The following SAMSN1 variants were observed in gnomAD, a reference collection of about 807,000 sequenced individuals.
SAMSN1 encodes the protein SAM domain, SH3 domain and nuclear localization signals 1.
SAMSN1 carries 31 observed loss-of-function variants against 42.0 expected under a neutral mutation model. That is an observed-to-expected ratio of 0.74 (90% CI 0.55 to 1.00). The LOEUF is 1.00. SAMSN1 is among the 50% of genes least tolerant of loss of function. SAMSN1 has a pLI of 0.00. For missense variants in SAMSN1, 464 were observed against 439.4 expected, an observed-to-expected ratio of 1.06 and a Z score of -0.50; for synonymous variants, 178 against 151.9, an observed-to-expected ratio of 1.17 and a Z score of -1.26.
chr21:14,592,228 C>G (rs951865461), intron 7 of SAMSN1: 2 of 152,194 alleles, frequency 1.3e-5, no homozygotes, highest in Admixed American at 1.3e-4. Flanking sequence ...CTGGGTACAC[C>G]TCCTAGCTGA....
chr21:14,555,205 A>G (rs1320188253), intron 2 of SAMSN1, among the ~76,000 whole-genome samples: 1 of 152,054 alleles, frequency 6.6e-6, no homozygotes, highest in African/African-American at 2.4e-5. Context: ...CTTGTCTACA[A>G]CTTCTGAGAT....
At chr21:14,583,998 C>CTTT (rs1981841782), upstream of SAMSN1, among the ~76,000 whole-genome samples, 3 of 69,016 alleles carry the variant, frequency 4.3e-5, no homozygotes, top group Non-Finnish European at 1.3e-4. Context: ...GTGGTTTTAC[C>CTTT]ATTTTTTTTT....
At chr21:14,642,950 C>T (rs1410231877) in intron 2 of SAMSN1, 1 of 699,040 alleles carries the variant, frequency 1.4e-6, no homozygotes, top group Non-Finnish European at 2.7e-6. Flanking sequence ...GCAAGAGATT[C>T]TAGAACTATA....
chr21:14,509,504 G>T (rs1419871617), intron 5 of SAMSN1, among the ~76,000 whole-genome samples: 1 of 152,152 alleles, frequency 6.6e-6, no homozygotes, highest in Non-Finnish European at 1.5e-5. Flanking sequence ...ACTTACCCAT[G>T]TAACCAAACA....
chr21:14,586,968 G>A (rs959235898), upstream of SAMSN1, among the ~76,000 whole-genome samples: 1 of 152,178 alleles, frequency 6.6e-6, no homozygotes, highest in Non-Finnish European at 1.5e-5. Context: ...GGAAAGAAAG[G>A]AAGAGTACCA....
rs887327382 is a variant in SAMSN1, at chr21:14,593,993, T to C, written c.465+20A>G. ...TGGGAAATCCACTTAAATAGTTACA[T>C]CTGGGAAGAAATGTCTCACCAGTTC... On this transcript the variant is annotated intron_variant, in intron 7 of 15. Transcript: ENST00000647101. The C allele has an allele frequency of 8.4e-6, 6 of 715,384 alleles. No individual in the cohort carries two copies. The African/African-American group carries it at 1.1e-4, about 13-fold the overall frequency. 44.3% of individuals were successfully genotyped at this position (715,384 alleles called of 1,614,324 possible).
chr21:14,612,799 G>A (rs1600963553), intron 4 of SAMSN1: 1 of 672,812 alleles, frequency 1.5e-6, no homozygotes, highest in Non-Finnish European at 2.8e-6. Flanking sequence ...TTGTTGCTTT[G>A]TGGCAGGAGC....
chr21:14,602,773 G>A (rs531368337), intron 5 of SAMSN1, among the ~76,000 whole-genome samples: 43 of 152,146 alleles, frequency 2.8e-4, no homozygotes, highest in African/African-American at 9.4e-4. Flanking sequence ...CACCTGGTCA[G>A]CAGACCAGGG....
At chr21:14,561,778 T>C (rs1314985148) in intron 2 of SAMSN1, among the ~76,000 whole-genome samples, 1 of 152,138 alleles carries the variant, frequency 6.6e-6, no homozygotes, top group Non-Finnish European at 1.5e-5. Flanking sequence ...AGAGGGAAAC[T>C]TGGACACCCA....
intron 1 of SAMSN1, among the ~76,000 whole-genome samples, chr21:14,644,511 A>G (rs1046598476): frequency 6.6e-6 from 1 of 152,164 alleles, no homozygotes; most frequent in Non-Finnish European, 1.5e-5. Flanking sequence ...CTGAATAGCC[A>G]GCAGTGATAC....
chr21:14,553,159 A>T (rs1980654860), intron 2 of SAMSN1, among the ~76,000 whole-genome samples: 1 of 151,742 alleles, frequency 6.6e-6, no homozygotes, highest in South Asian at 2.1e-4. Context: ...AGGATTTTGT[A>T]CTCTTCTTAC....
chr21:14,606,618 A>T (rs149573426), intron 5 of SAMSN1, among the ~76,000 whole-genome samples: 1 of 152,326 alleles, frequency 6.6e-6, no homozygotes, highest in African/African-American at 2.4e-5. Context: ...TTTAACAATT[A>T]ACCTGAATTA....
intron 7 of SAMSN1, among the ~76,000 whole-genome samples, chr21:14,487,825 C>G (rs568609371): frequency 6.6e-6 from 1 of 151,990 alleles, no homozygotes; most frequent in African/African-American, 2.4e-5. Context: ...ATAACTAGTT[C>G]TAGATATAAG....
intron 4 of SAMSN1, 86 bp downstream of exon 4, chr21:14,512,358 C>T: frequency 1.4e-6 from 2 of 1,412,760 alleles, no homozygotes; most frequent in Non-Finnish European, 2.0e-6. Context: ...TAGCTGGAAC[C>T]TTGTGGCTGA....
chr21:14,553,312 G>A (rs959833097), intron 2 of SAMSN1, among the ~76,000 whole-genome samples: 26 of 152,006 alleles, frequency 1.7e-4, no homozygotes, highest in African/African-American at 6.0e-4. Flanking sequence ...ATTAATAACT[G>A]TCTTTCTTTT....
In SAMSN1 at chr21:14,657,887, C is replaced by T. The variant is rs562795012; in HGVS notation, c.24+861G>A. On this transcript the variant is annotated intron_variant, in intron 1 of 15. Transcript: ENST00000647101. ...AATGCCTCCTGTTTAGGTATTACAA[C>T]GTATGTCAGCACCATCTCTACTGCT... is the stretch of plus-strand genomic sequence containing the variant. 1.3e-4 allele frequency among the ~76,000 whole-genome samples: 19 copies of T among 151,864 alleles called. 1 individual carries two copies. The South Asian group carries it at 3.7e-3, about 30-fold the overall frequency.
At chr21:14,559,202 T>C (rs752403865) in intron 2 of SAMSN1, among the ~76,000 whole-genome samples, 7 of 152,154 alleles carry the variant, frequency 4.6e-5, no homozygotes, top group Non-Finnish European at 1.0e-4. Context: ...GGGAAAAACA[T>C]GGGCTTTTGT....
At chr21:14,654,803 T>C (rs940298867) in intron 1 of SAMSN1, among the ~76,000 whole-genome samples, 12 of 151,528 alleles carry the variant, frequency 7.9e-5, no homozygotes, top group Non-Finnish European at 1.5e-4. Flanking sequence ...CAGGAAGACA[T>C]GAGATTTTTT....
rs138674478 is a variant in SAMSN1, at chr21:14,489,807, A to G, written c.920-3693T>C. ...AAAGCCCATGTAAAAACATTTTAAGATAGTTATCAATGTTGAAAGAAAAGG... is the reference window on the plus strand; with the variant it reads ...AAAGCCCATGTAAAAACATTTTAAGGTAGTTATCAATGTTGAAAGAAAAGG... On this transcript the variant is annotated intron_variant, in intron 7 of 7. Coordinates refer to ENST00000400566, the MANE Select transcript of SAMSN1 (RefSeq NM_022136.5). 5.3e-5 allele frequency among the ~76,000 whole-genome samples: 8 copies of G among 152,294 alleles called. No homozygotes were observed. In the East Asian group the frequency reaches 1.5e-3, roughly 29 times the overall value.
Sources: allele counts gnomAD v4.1 joint callset (sites outside exome capture counted in the v4.1 genomes callset), GRCh38; gene constraint gnomAD v4.1.1; transcripts MANE v1.5; gene names NCBI Gene and HGNC (gene_info 2026-07-23, HGNC 2026-07-21).